Variants in ELMO1 observed in about 807,000 individuals in gnomAD.
ELMO1 encodes engulfment and cell motility 1.
Under a neutral mutation model 98.9 loss-of-function variants are expected in ELMO1, and 26 were observed. That is an observed-to-expected ratio of 0.26 (90% confidence interval 0.19 to 0.36). ELMO1 has a LOEUF of 0.36. Among genes scored for constraint, ELMO1 ranks in the 10% least tolerant of loss-of-function variants. The pLI is 1.00. For missense variants in ELMO1, 627 were observed against 935.2 expected (o/e 0.67, Z 4.30); for synonymous variants, 346 against 346.0 (o/e 1.00, Z 0.00).
At chr7:37,205,767 G>T (rs924397946) in intron 13 of ELMO1, among the ~76,000 whole-genome samples, 8 of 152,082 alleles carry the variant, frequency 5.3e-5, no homozygotes, top group Non-Finnish European at 8.8e-5. Flanking sequence ...CATTTTCCAA[G>T]AATGATCTAA....
At chr7:36,993,100 G>T (rs1301035185) in intron 16 of ELMO1, among the ~76,000 whole-genome samples, 3 of 152,156 alleles carry the variant, frequency 2.0e-5, no homozygotes, top group Admixed American at 1.3e-4. Context: ...AGAAGAAGAA[G>T]AAACTAGAGA....
chr7:37,379,437 TCTC>T (rs1274404769), intron 1 of ELMO1, among the ~76,000 whole-genome samples: 6 of 152,158 alleles, frequency 3.9e-5, no homozygotes, highest in Non-Finnish European at 5.9e-5. Flanking sequence ...GGGAAGCTCT[TCTC>T]CTGGTAAAAT....
At chr7:37,408,791 A>G (rs2131489068) in intron 1 of ELMO1, among the ~76,000 whole-genome samples, 1 of 152,310 alleles carries the variant, frequency 6.6e-6, no homozygotes, top group Non-Finnish European at 1.5e-5. Flanking sequence ...TTCAGTGGGT[A>G]TAGATTTCCA....
intron 1 of ELMO1, among the ~76,000 whole-genome samples, chr7:37,365,713 G>A (rs1307975494): frequency 2.0e-5 from 3 of 152,210 alleles, no homozygotes; most frequent in South Asian, 2.1e-4. Context: ...AATCTGAAAA[G>A]TCTTCTTTCC....
intron 1 of ELMO1, among the ~76,000 whole-genome samples, chr7:37,425,134 A>C (rs1365079658): frequency 6.6e-6 from 1 of 152,208 alleles, no homozygotes; most frequent in Non-Finnish European, 1.5e-5. Flanking sequence ...TAGGTGGCTT[A>C]TTAACAACAG....
At chr7:37,209,900 CATAAAAT>C (rs1434627002) in intron 13 of ELMO1, among the ~76,000 whole-genome samples, 48 of 152,164 alleles carry the variant, frequency 3.2e-4, no homozygotes, top group African/African-American at 1.2e-3. Context: ...AAGGTCGAAA[CATAAAAT>C]ATAATGATAC....
intron 13 of ELMO1, among the ~76,000 whole-genome samples, chr7:37,206,638 G>A (rs1026338766): frequency 4.6e-5 from 7 of 152,096 alleles, no homozygotes; most frequent in African/African-American, 1.7e-4. Flanking sequence ...CATCACCCAA[G>A]AAGGTAGAAA....
At chr7:37,341,953 G>A (rs1339518943) in intron 2 of ELMO1, among the ~76,000 whole-genome samples, 1 of 152,154 alleles carries the variant, frequency 6.6e-6, no homozygotes, top group Non-Finnish European at 1.5e-5. Flanking sequence ...TAGTGCATGA[G>A]AATCACACCA....
At chr7:37,417,587 C>A (rs1034745887) in intron 1 of ELMO1, among the ~76,000 whole-genome samples, 3 of 151,922 alleles carry the variant, frequency 2.0e-5, no homozygotes, top group Non-Finnish European at 2.9e-5. Flanking sequence ...TGGCATGAAC[C>A]CAGGAGGCGG....
intron 15 of ELMO1, among the ~76,000 whole-genome samples, chr7:37,055,033 T>A (rs1796321043): frequency 6.6e-6 from 1 of 152,212 alleles, no homozygotes; most frequent in Non-Finnish European, 1.5e-5. Context: ...AGGGAACACA[T>A]TTCTAAAAAG....
intron 17 of ELMO1, among the ~76,000 whole-genome samples, chr7:36,891,350 A>C (rs953439404): frequency 6.6e-6 from 1 of 152,234 alleles, no homozygotes; most frequent in East Asian, 1.9e-4. Context: ...CTAACTGACC[A>C]GACTGTCCCC....
In ELMO1 at chr7:37,192,039, T is replaced by G. The variant is rs566438776; in HGVS notation, c.1086+19347A>C. ...AGTCTCCACTGTGTAAAGGACAGAG[T>G]TCACAGAAGAAGAAGAAAGATGCTA... On this transcript the variant is annotated intron_variant, in intron 13 of 21. Coordinates refer to ENST00000310758, the MANE Select transcript of ELMO1 (RefSeq NM_014800.11). 5.9e-5 allele frequency among the ~76,000 whole-genome samples: 9 copies of G among 152,192 alleles called. No individual in the cohort carries two copies. In the East Asian group the frequency reaches 1.7e-3, roughly 29 times the overall value.
At chr7:37,039,361 A>G (rs1795370765) in intron 15 of ELMO1, among the ~76,000 whole-genome samples, 1 of 152,200 alleles carries the variant, frequency 6.6e-6, no homozygotes, top group Non-Finnish European at 1.5e-5. Context: ...ACTGCAGGCC[A>G]TGAGGAGGGG....
intron 4 of ELMO1, among the ~76,000 whole-genome samples, chr7:37,280,652 T>C (rs28797249): frequency 0.49 from 74,720 of 151,872 alleles, 18,595 homozygotes; most frequent in Middle Eastern, 0.62. Context: ...CAATGCGATA[T>C]CACTTTACTC....
chr7:37,026,005 A>G (rs1375470407), intron 15 of ELMO1, among the ~76,000 whole-genome samples: 2 of 151,982 alleles, frequency 1.3e-5, no homozygotes, highest in Admixed American at 6.6e-5. Flanking sequence ...ATGAAAAGGA[A>G]AATTCTAGTT....
chr7:37,045,486 T>C (rs554361690), intron 15 of ELMO1, among the ~76,000 whole-genome samples: 2 of 152,186 alleles, frequency 1.3e-5, no homozygotes, highest in Non-Finnish European at 2.9e-5. Context: ...CTTCTCTTTT[T>C]CTCCCAAATC....
intron 1 of ELMO1, among the ~76,000 whole-genome samples, chr7:37,440,541 C>T (rs1410823077): frequency 5.3e-5 from 8 of 151,716 alleles, no homozygotes; most frequent in African/African-American, 1.9e-4. Context: ...GAGGCTGAGG[C>T]GGGTGGATCA....
intron 15 of ELMO1, among the ~76,000 whole-genome samples, chr7:37,096,123 A>G (rs562907325): frequency 1.3e-5 from 2 of 152,282 alleles, no homozygotes; most frequent in Non-Finnish European, 2.9e-5. Flanking sequence ...CACATTTTTC[A>G]TTTTCAGCTA....
intron 15 of ELMO1, among the ~76,000 whole-genome samples, chr7:37,071,364 A>G (rs1221722511): frequency 1.3e-5 from 2 of 152,170 alleles, no homozygotes; most frequent in Non-Finnish European, 2.9e-5. Flanking sequence ...CAAACCTCAT[A>G]TTCTTCACCA....
Sources: allele counts gnomAD v4.1 joint callset (sites outside exome capture counted in the v4.1 genomes callset), GRCh38; gene constraint gnomAD v4.1.1; transcripts MANE v1.5; gene names NCBI Gene and HGNC (gene_info 2026-07-23, HGNC 2026-07-21).